The following SPATA31E1 variants were observed in gnomAD, a reference collection of about 807,000 sequenced individuals.
SPATA31E1 encodes SPATA31 subfamily E member 1, also known as spermatogenesis-associated protein 31E1.
Under a neutral mutation model 12.9 loss-of-function variants are expected in SPATA31E1, and 7 were observed. The ratio of observed to expected loss-of-function variants is 0.54; its 90% confidence interval spans 0.31 to 1.02. The LOEUF (loss-of-function observed/expected upper bound fraction) is 1.02. SPATA31E1 is among the 50% of genes least tolerant of loss of function. The probability of loss-of-function intolerance (pLI) is 0.05; values close to 1 mark genes in which losing one functional copy is unlikely to be tolerated. For missense variants in SPATA31E1, 1,961 were observed against 1,799.8 expected, an observed-to-expected ratio of 1.09 and a Z score of -1.62; for synonymous variants, 771 against 719.0, an observed-to-expected ratio of 1.07 and a Z score of -1.16.
At chr9:87,884,454 C>A in intron 2 of SPATA31E1, 137 bp from the exon 3 acceptor site, 1 of 858,816 alleles carries the variant, frequency 1.2e-6, no homozygotes, top group Non-Finnish European at 1.9e-6. Context: ...ACCATTGGGG[C>A]CATGTGGCCT....
chr9:87,884,481 G>A, intron 2 of SPATA31E1, 110 bp from the exon 3 acceptor site: 1 of 1,116,362 alleles, frequency 9.0e-7, no homozygotes, highest in Middle Eastern at 2.4e-4. Context: ...CAGATGCGAG[G>A]GCTTCAGGGT....
At position 87,883,030 on chromosome 9, in the gene SPATA31E1, T is replaced by C; in HGVS notation, c.139T>C (p.Phe47Leu). The C allele has an allele frequency of 6.2e-7, 1 of 1,613,520 alleles. No individual in the cohort carries two copies. The highest frequency in any genetic ancestry group is 8.5e-7 in the Non-Finnish European group (1 of 1,179,936). ...DIALQMEKML[F>L]PLKSPSATWL... ...TGCACTTCAGATGGAGAAAATGCTC[T>C]TTCCTCTGAAGAGCCCTAGTGCCAC... The change falls in exon 1 of 4, where the codon TTT becomes CTT. Residue 47 changes from phenylalanine (F) to leucine (L), a missense_variant. Physicochemically the swap from Phe to Leu is conservative, Grantham distance 22 (BLOSUM62 0). Coordinates refer to ENST00000325643, the MANE Select transcript of SPATA31E1 (RefSeq NM_178828.5).
chr9:87,884,078 G>A (rs755075703), intron 2 of SPATA31E1, 32 bp downstream of exon 2: 2 of 1,573,360 alleles, frequency 1.3e-6, no homozygotes, highest in Non-Finnish European at 1.7e-6. Flanking sequence ...GGACTCCCCA[G>A]AGGTAACTGA....
rs758412405 is a variant in SPATA31E1 at position 87,885,484 on chromosome 9, G to C, written c.997G>C (p.Asp333His). Reference sequence around the variant, plus strand: ...CAAATCCCAGCCACGGCATCTTCCCGACCACACCTCAGAGGCTTCCTTCTG... The same window carrying C: ...CAAATCCCAGCCACGGCATCTTCCCCACCACACCTCAGAGGCTTCCTTCTG... ...HGKSQPRHLPDHTSEASFWGD... is the reference protein window; with the variant it reads ...HGKSQPRHLPHHTSEASFWGD... Residue 333 changes from aspartate to histidine, a missense_variant, in exon 4 of 4, where the codon GAC becomes CAC. Physicochemically the swap from Asp to His is moderately conservative, Grantham distance 81. Coordinates refer to ENST00000325643, the MANE Select transcript of SPATA31E1 (RefSeq NM_178828.5). The C allele has an allele frequency of 2.5e-6, 4 of 1,613,790 alleles. No individual in the cohort carries two copies. In the African/African-American group the frequency reaches 5.3e-5, roughly 22 times the overall value.
Position 87,885,299 on chromosome 9 carries a change from C to G in SPATA31E1, c.812C>G (p.Thr271Arg). 1 of 1,614,088 alleles carries G rather than the reference C, an allele frequency of 6.2e-7. No individual in the cohort carries two copies. The highest frequency in any genetic ancestry group is 1.1e-5 in the South Asian group (1 of 91,066). ...CTGGCTGGACTTCAGTGTGGCTCCACAACATGCCCCGTCCCCCAGAGCTCC... is the reference window on the plus strand; with the variant it reads ...CTGGCTGGACTTCAGTGTGGCTCCAGAACATGCCCCGTCCCCCAGAGCTCC... ...SSLAGLQCGS[T>R]TCPVPQSSPL... The change falls in exon 4 of 4, where the codon ACA (threonine) becomes AGA (arginine). Residue 271 changes from threonine (T) to arginine (R), a missense_variant. By Grantham distance (71) the Thr-to-Arg change is moderately conservative. Transcript: ENST00000325643.
In SPATA31E1 at chr9:87,885,342, G is replaced by C. The variant is rs374138737; in HGVS notation, c.855G>C (p.Val285=). The change falls in exon 4 of 4, where the codon GTG becomes GTC. Residue 285 remains valine (V), a synonymous_variant. Transcript: ENST00000325643. ...VPQSSPLHNQ[V]LPPPTRVISG... is the part of the protein sequence containing the mutation. ...AGAGCTCCCCTCTACACAACCAGGT[G>C]CTGCCTCCTCCAACCAGGGTGATCT... 2.3e-4 allele frequency: 373 copies of C among 1,613,776 alleles called. No individual in the cohort carries two copies. Among genetic ancestry groups the C allele is most frequent in the Middle Eastern group, 3.3e-4 (2 of 6,080 alleles).
intron 1 of SPATA31E1, 28 bp downstream of exon 1, chr9:87,883,228 G>A (rs1052532487): frequency 1.2e-5 from 19 of 1,546,402 alleles, no homozygotes; most frequent in Non-Finnish European, 1.6e-5. Context: ...CAGCCCCACA[G>A]AGAAAGATTC....
In SPATA31E1 at chr9:87,887,433, CA is replaced by C. The variant is rs1179949810; in HGVS notation, c.2949del (p.Lys983AsnfsTer4). On this transcript the variant is annotated frameshift_variant, in exon 4 of 4. Transcript: ENST00000325643. LOFTEE classifies it low-confidence loss of function (END_TRUNC). The part of the protein sequence containing the change: ...SRTVLESGKP[K>X]PRLEGSMGSE... ...GGACTGTCCTGGAATCCGGGAAACC[CA>C]AACCCAGACTAGAGGGGAGTATGGG... The C allele has an allele frequency of 1.2e-6, 2 of 1,613,724 alleles. No individual in the cohort carries two copies. The highest frequency in any genetic ancestry group is 1.7e-6 in the Non-Finnish European group (2 of 1,180,036).
At position 87,888,508 on chromosome 9, in the gene SPATA31E1, G is replaced by C. The variant is rs1414748950; in HGVS notation, c.4021G>C (p.Glu1341Gln). ...LGLQWGRGPS[E>Q]VNRHKGDFRA... ...GCTTCAGTGGGGACGAGGTCCCTCA[G>C]AGGTCAATCGCCACAAAGGTGACTT... The change falls in exon 4 of 4, where the codon GAG (glutamate) becomes CAG (glutamine). Residue 1341 changes from glutamate to glutamine, a missense_variant. Physicochemically the swap from Glu to Gln is conservative, Grantham distance 29 (BLOSUM62 2). Coordinates refer to ENST00000325643, the MANE Select transcript of SPATA31E1 (RefSeq NM_178828.5). 5.0e-6 allele frequency: 8 copies of C among 1,614,060 alleles called. No individual in the cohort carries two copies. Among genetic ancestry groups the C allele is most frequent in the Non-Finnish European group, 6.8e-6 (8 of 1,180,038 alleles).
Position 87,886,980 on chromosome 9 carries a change from C to G in SPATA31E1, c.2493C>G (p.Thr831=), listed in dbSNP as rs1340940295. The change falls in exon 4 of 4, where the codon ACC becomes ACG. Residue 831 remains threonine, a synonymous_variant. Transcript: ENST00000325643. ...AGCTTTCCTTCCTCCATCCCTGCACCCAGCAGATACTGGAAGTACATCTTG... is the reference window on the plus strand; with the variant it reads ...AGCTTTCCTTCCTCCATCCCTGCACGCAGCAGATACTGGAAGTACATCTTG... ...SQELSFLHPC[T]QQILEVHLVR... is the part of the protein sequence containing the mutation. 1.2e-6 allele frequency: 2 copies of G among 1,613,996 alleles called. No individual in the cohort carries two copies. The highest frequency in any genetic ancestry group is 2.7e-5 in the African/African-American group (2 of 74,928).
Position 87,887,268 on chromosome 9 carries a change from G to C in SPATA31E1, c.2781G>C (p.Gln927His), listed in dbSNP as rs556337873. 6.2e-7 allele frequency: 1 copy of C among 1,614,008 alleles called. No homozygotes were observed. The highest frequency in any genetic ancestry group is 1.3e-5 in the African/African-American group (1 of 75,060). ...SGPLAAPPPEQEGVQRPPRGS... is the reference protein window; with the variant it reads ...SGPLAAPPPEHEGVQRPPRGS... ...CTCTCGCTGCCCCACCGCCTGAGCA[G>C]GAGGGAGTCCAGAGGCCCCCGAGAG... Residue 927 changes from glutamine to histidine, a missense_variant, in exon 4 of 4, where the codon CAG becomes CAC. Transcript: ENST00000325643.
Position 87,887,072 on chromosome 9 carries a change from C to G in SPATA31E1, c.2585C>G (p.Ser862Ter), listed in dbSNP as rs2117888568. ...TCCCTGGAGCCCATAAATGTCTGGT[C>G]AGGTGAGGCTCAGGCCCCGCCCTTC... The part of the protein sequence containing the change: ...LQSLEPINVW[S>*]GEAQAPPFPQ... The change falls in exon 4 of 4, where the codon TCA (serine) becomes TGA (stop). Residue 862 changes from serine to a stop codon, truncating the protein, a stop_gained. Transcript: ENST00000325643. LOFTEE classifies it low-confidence loss of function (END_TRUNC). 6.2e-7 allele frequency: 1 copy of G among 1,614,086 alleles called. No homozygotes were observed. Among genetic ancestry groups the G allele is most frequent in the East Asian group, 2.2e-5 (1 of 44,874 alleles).
At position 87,887,545 on chromosome 9, in the gene SPATA31E1, C is replaced by T; in HGVS notation, c.3058C>T (p.Leu1020Phe). Residue 1020 changes from leucine to phenylalanine, a missense_variant, in exon 4 of 4, where the codon CTC (leucine) becomes TTC (phenylalanine). Physicochemically the swap from Leu to Phe is conservative, Grantham distance 22. Transcript: ENST00000325643. Reference protein sequence around the residue: ...DPCSSRALQVLSIGSQWARAE... With the variant: ...DPCSSRALQVFSIGSQWARAE... ...CTGTAGTAGCAGAGCCCTGCAAGTG[C>T]TCAGCATAGGGTCCCAGTGGGCAAG... is the stretch of plus-strand genomic sequence containing the variant. 5.0e-6 allele frequency: 8 copies of T among 1,614,110 alleles called. No individual in the cohort carries two copies. Among genetic ancestry groups the T allele is most frequent in the Non-Finnish European group, 6.8e-6 (8 of 1,180,036 alleles).
At position 87,885,178 on chromosome 9, in the gene SPATA31E1, C is replaced by T. The variant is rs191831504; in HGVS notation, c.691C>T (p.Leu231=). Residue 231 remains leucine, a synonymous_variant, in exon 4 of 4, where the codon CTA becomes TTA. Transcript: ENST00000325643. Reference sequence around the variant, plus strand: ...CGGGCCACCAGAGCCCTTGCTTCCCCTAAAATGCCCTGCAACCCAGCCACA... The same window carrying T: ...CGGGCCACCAGAGCCCTTGCTTCCCTTAAAATGCCCTGCAACCCAGCCACA... The part of the protein sequence containing the change: ...ASGPPEPLLP[L]KCPATQPHVV... 6.2e-7 allele frequency: 1 copy of T among 1,614,168 alleles called. No homozygotes were observed. Among genetic ancestry groups the T allele is most frequent in the Non-Finnish European group, 8.5e-7 (1 of 1,180,032 alleles).
In SPATA31E1 at chr9:87,886,785, A is replaced by C. The variant is rs991600238; in HGVS notation, c.2298A>C (p.Gln766His). The C allele has an allele frequency of 2.5e-6, 4 of 1,614,090 alleles. No individual in the cohort carries two copies. The highest frequency in any genetic ancestry group is 3.4e-6 in the Non-Finnish European group (4 of 1,180,034). ...PDKEHLENKL[Q>H]IHLARKVGEI... ...AGGAGCATCTGGAAAACAAGCTGCAAATCCATCTGGCCAGGAAGGTAGGGG... is the reference window on the plus strand; with the variant it reads ...AGGAGCATCTGGAAAACAAGCTGCACATCCATCTGGCCAGGAAGGTAGGGG... Residue 766 changes from glutamine to histidine, a missense_variant, in exon 4 of 4, where the codon CAA becomes CAC. By Grantham distance (24) the Gln-to-His change is conservative (BLOSUM62 0). Transcript: ENST00000325643.
At position 87,883,098 on chromosome 9, in the gene SPATA31E1, C is replaced by G. The variant is rs1828197504; in HGVS notation, c.207C>G (p.Ile69Met). The change falls in exon 1 of 4, where the codon ATC becomes ATG. Residue 69 changes from isoleucine to methionine, a missense_variant. Coordinates refer to ENST00000325643, the MANE Select transcript of SPATA31E1 (RefSeq NM_178828.5). Reference protein sequence around the residue: ...PSSTPWMMDFILTSVCGLVLL... With the variant: ...PSSTPWMMDFMLTSVCGLVLL... ...CCACTCCCTGGATGATGGATTTCAT[C>G]CTCACCAGTGTGTGTGGCCTAGTGC... is the stretch of plus-strand genomic sequence containing the variant. The G allele has an allele frequency of 6.2e-7, 1 of 1,610,230 alleles. No individual in the cohort carries two copies.
chr9:87,883,720 C>T (rs1045217912), intron 1 of SPATA31E1, among the ~76,000 whole-genome samples: 11 of 152,264 alleles, frequency 7.2e-5, no homozygotes, highest in Non-Finnish European at 1.5e-4. Context: ...TCAGAGGCGC[C>T]TGTGGGCCTG....
In SPATA31E1 at chr9:87,885,908, C is replaced by T. The variant is rs771018252; in HGVS notation, c.1421C>T (p.Ala474Val). 2 of 1,614,024 alleles carry T rather than the reference C, an allele frequency of 1.2e-6. No homozygotes were observed. The highest frequency in any genetic ancestry group is 3.3e-5 in the Admixed American group (2 of 60,030). Residue 474 changes from alanine (A) to valine (V), a missense_variant, in exon 4 of 4, where the codon GCC (alanine) becomes GTC (valine). Coordinates refer to ENST00000325643, the MANE Select transcript of SPATA31E1 (RefSeq NM_178828.5). Reference sequence around the variant, plus strand: ...GCACACTCTGTACCACTGGATAAAGCCTCCACTTCTCTTCCAGGTGAACCT... The same window carrying T: ...GCACACTCTGTACCACTGGATAAAGTCTCCACTTCTCTTCCAGGTGAACCT... The part of the protein sequence containing the change: ...QNAHSVPLDK[A>V]STSLPGEPEV...
Position 87,886,630 on chromosome 9 carries a change from G to C in SPATA31E1, c.2143G>C (p.Asp715His). 6.2e-7 allele frequency: 1 copy of C among 1,613,970 alleles called. No homozygotes were observed. Among genetic ancestry groups the C allele is most frequent in the Non-Finnish European group, 8.5e-7 (1 of 1,180,006 alleles). Residue 715 changes from aspartate to histidine, a missense_variant, in exon 4 of 4, where the codon GAC becomes CAC. Physicochemically the swap from Asp to His is moderately conservative, Grantham distance 81. Coordinates refer to ENST00000325643, the MANE Select transcript of SPATA31E1 (RefSeq NM_178828.5). Reference sequence around the variant, plus strand: ...GTGCTTAGGGTCCAAACTAGGGCCGGACCCAAGCCGGGATCAAGGCTCAGG... The same window carrying C: ...GTGCTTAGGGTCCAAACTAGGGCCGCACCCAAGCCGGGATCAAGGCTCAGG... The part of the protein sequence containing the change: ...KGCLGSKLGP[D>H]PSRDQGSGRT...
Sources: gnomAD v4.1 joint callset for allele counts (sites outside exome capture counted in the v4.1 genomes callset) on GRCh38, gnomAD v4.1.1 for gene constraint, MANE v1.5 for transcripts, NCBI Gene and HGNC (gene_info 2026-07-23, HGNC 2026-07-21) for gene names.